The following SMIM36 variants were observed in gnomAD, a reference collection of about 807,000 sequenced individuals.
SMIM36 encodes the protein small integral membrane protein 36.
At chr17:55,457,301 A>T (rs113173236) in intron 4 of SMIM36, among the ~76,000 whole-genome samples, 5,349 of 151,714 alleles carry the variant, frequency 0.035, 277 homozygotes, top group African/African-American at 0.11. Flanking sequence ...TACAAAAAAA[A>T]TTAGCTGGGC....
chr17:55,498,623 G>A (rs975463981), intron 1 of SMIM36, among the ~76,000 whole-genome samples: 1 of 151,088 alleles, frequency 6.6e-6, no homozygotes, highest in Non-Finnish European at 1.5e-5. Context: ...ATGTGGCCTA[G>A]CCTCATCTCA....
At chr17:55,518,647 A>C in the SMIM36 span, among the ~76,000 whole-genome samples, 1 of 152,202 alleles carries the variant, frequency 6.6e-6, no homozygotes, top group Non-Finnish European at 1.5e-5. Context: ...TTGGTTGTGA[A>C]ATATTGAAGA....
chr17:55,483,549 G>A (rs1346655684), intron 1 of SMIM36, among the ~76,000 whole-genome samples: 1 of 152,212 alleles, frequency 6.6e-6, no homozygotes, highest in East Asian at 1.9e-4. Context: ...CTGAGGTCCA[G>A]ACTGCCTTCG....
chr17:55,479,799 T>TTAAG (rs927648618), intron 1 of SMIM36, among the ~76,000 whole-genome samples: 15 of 152,140 alleles, frequency 9.9e-5, no homozygotes, highest in African/African-American at 2.9e-4. Flanking sequence ...GTTGTGAGTA[T>TTAAG]TGAGGTGATA....
At chr17:55,508,433 T>A (rs1255148497) in intron 1 of SMIM36, among the ~76,000 whole-genome samples, 1 of 9,938 alleles carries the variant, frequency 1.0e-4, no homozygotes, top group African/African-American at 2.7e-4. Context: ...TTCCTAGGAA[T>A]ATATATATAT....
intron 3 of SMIM36, among the ~76,000 whole-genome samples, chr17:55,469,382 A>G (rs905744761): frequency 6.6e-6 from 1 of 152,160 alleles, no homozygotes; most frequent in Non-Finnish European, 1.5e-5. Context: ...TTCATCAAAT[A>G]TAAAAAGCCA....
At chr17:55,468,750 C>G (rs1487586892) in intron 3 of SMIM36, among the ~76,000 whole-genome samples, 1 of 152,200 alleles carries the variant, frequency 6.6e-6, no homozygotes, top group African/African-American at 2.4e-5. Context: ...ATTCCCCCTT[C>G]TTCTCCCTTA....
At chr17:55,475,622 G>A (rs1909415153) in intron 3 of SMIM36, among the ~76,000 whole-genome samples, 1 of 152,092 alleles carries the variant, frequency 6.6e-6, no homozygotes, top group African/African-American at 2.4e-5. Flanking sequence ...AGTCTGGCTT[G>A]GTATATGACA....
At chr17:55,532,007 T>G in the SMIM36 span, among the ~76,000 whole-genome samples, 1 of 152,248 alleles carries the variant, frequency 6.6e-6, no homozygotes, top group Non-Finnish European at 1.5e-5. Flanking sequence ...CTTTCTGGTC[T>G]GAGCCTGAAT....
intron 1 of SMIM36, among the ~76,000 whole-genome samples, chr17:55,494,395 T>C (rs1909770490): frequency 6.6e-6 from 1 of 152,168 alleles, no homozygotes; most frequent in Non-Finnish European, 1.5e-5. Flanking sequence ...AATGTACTGT[T>C]TTTTAATTTT....
At chr17:55,468,870 G>T (rs555658975) in intron 3 of SMIM36, among the ~76,000 whole-genome samples, 1 of 152,114 alleles carries the variant, frequency 6.6e-6, no homozygotes, top group Non-Finnish European at 1.5e-5. Context: ...CTGGGCAATA[G>T]TTCCAAGTGG....
intron 4 of SMIM36, among the ~76,000 whole-genome samples, chr17:55,460,452 C>A (rs56073912): frequency 0.72 from 106,503 of 147,790 alleles, 38,851 homozygotes; most frequent in Middle Eastern, 0.8. Context: ...AAAAACAAAA[C>A]AAAAAAAAAG....
intron 1 of SMIM36, among the ~76,000 whole-genome samples, chr17:55,485,069 T>A (rs1909581236): frequency 6.6e-6 from 1 of 152,180 alleles, no homozygotes; most frequent in African/African-American, 2.4e-5. Flanking sequence ...CTATCCATAT[T>A]TTTTAGAGAT....
At chr17:55,516,937 C>T in the SMIM36 span, among the ~76,000 whole-genome samples, 2 of 152,102 alleles carry the variant, frequency 1.3e-5, no homozygotes, top group Admixed American at 1.3e-4. Context: ...TAGTGTGTCC[C>T]TGAGAAGACG....
intron 1 of SMIM36, among the ~76,000 whole-genome samples, chr17:55,501,128 AATATATAATATATCTTATATT>A (rs1444654035): frequency 0.065 from 847 of 12,934 alleles, 32 homozygotes; most frequent in Middle Eastern, 0.2. Context: ...CATATTTTAT[AATATATAATATATCTTATATT>A]TTATAATATA....
chr17:55,490,124 G>T (rs948691132), intron 1 of SMIM36, among the ~76,000 whole-genome samples: 5 of 151,792 alleles, frequency 3.3e-5, no homozygotes, highest in African/African-American at 9.7e-5. Flanking sequence ...CAAAGTGCTC[G>T]GATTATAGAC....
At chr17:55,487,702 G>A (rs1392174730) in intron 1 of SMIM36, among the ~76,000 whole-genome samples, 1 of 152,182 alleles carries the variant, frequency 6.6e-6, no homozygotes, top group Non-Finnish European at 1.5e-5. Flanking sequence ...CTCACTTGGG[G>A]CTTTTCCTTC....
chr17:55,452,956 T>C (rs754386015), intron 4 of SMIM36, among the ~76,000 whole-genome samples: 1 of 152,176 alleles, frequency 6.6e-6, no homozygotes, highest in Non-Finnish European at 1.5e-5. Context: ...GTGGCTGTGT[T>C]TGGACACTCT....
the SMIM36 span, among the ~76,000 whole-genome samples, chr17:55,523,058 G>T: frequency 2.6e-5 from 4 of 152,096 alleles, no homozygotes; most frequent in African/African-American, 9.7e-5. Flanking sequence ...TAATGCTGTG[G>T]GCTGAATTGT....
Sources: allele counts gnomAD v4.1 joint callset (sites outside exome capture counted in the v4.1 genomes callset), GRCh38; gene constraint gnomAD v4.1.1; transcripts MANE v1.5; gene names NCBI Gene and HGNC (gene_info 2026-07-23, HGNC 2026-07-21).